AFG1L: variants seen among roughly 807,000 people sequenced by gnomAD.
The protein encoded by AFG1L is AFG1-like ATPase.
Under a neutral mutation model 62.2 loss-of-function variants are expected in AFG1L, and 53 were observed. That is an observed-to-expected ratio of 0.85 (90% CI 0.68 to 1.07). The LOEUF (loss-of-function observed/expected upper bound fraction) is 1.07. Ranked by LOEUF, AFG1L falls within the 50% of genes least tolerant of loss-of-function variation. The pLI is 0.00. For synonymous variants in AFG1L, 228 were observed against 210.3 expected, an observed-to-expected ratio of 1.08 and a Z score of -0.73; for missense variants, 555 against 590.5, an observed-to-expected ratio of 0.94 and a Z score of 0.62.
intron 8 of AFG1L, among the ~76,000 whole-genome samples, chr6:108,465,380 A>T (rs181031320): frequency 9.2e-5 from 14 of 152,314 alleles, no homozygotes; most frequent in Admixed American, 5.2e-4. Flanking sequence ...TTATGTTTAC[A>T]GTTTGAGTTT....
chr6:108,328,809 A>G (rs942669723), intron 2 of AFG1L, among the ~76,000 whole-genome samples: 1 of 152,164 alleles, frequency 6.6e-6, no homozygotes, highest in Non-Finnish European at 1.5e-5. Context: ...GGTTTTTAAA[A>G]AAATCTTTGG....
chr6:108,424,642 A>G (rs1238565906), intron 7 of AFG1L, among the ~76,000 whole-genome samples: 1 of 152,080 alleles, frequency 6.6e-6, no homozygotes, highest in African/African-American at 2.4e-5. Flanking sequence ...TGTAATATAT[A>G]TAATAGAGAA....
chr6:108,350,453 T>G (rs907633106), intron 3 of AFG1L, among the ~76,000 whole-genome samples: 6 of 152,188 alleles, frequency 3.9e-5, no homozygotes, highest in African/African-American at 1.4e-4. Flanking sequence ...ACTTCACCTC[T>G]TTCTTCGCAG....
intron 6 of AFG1L, among the ~76,000 whole-genome samples, chr6:108,390,779 G>A (rs535229470): frequency 2.0e-5 from 3 of 152,150 alleles, no homozygotes; most frequent in Admixed American, 6.5e-5. Flanking sequence ...GACCCTGCTG[G>A]GGGGTGCCTC....
At chr6:108,410,927 T>C (rs1782072177) in intron 7 of AFG1L, among the ~76,000 whole-genome samples, 1 of 152,078 alleles carries the variant, frequency 6.6e-6, no homozygotes, top group Non-Finnish European at 1.5e-5. Flanking sequence ...CACTGGGGCT[T>C]GTCAGACAGT....
chr6:108,330,330 C>A (rs1778226587), intron 2 of AFG1L, among the ~76,000 whole-genome samples: 1 of 151,934 alleles, frequency 6.6e-6, no homozygotes, highest in South Asian at 2.1e-4. Context: ...TGCATGCCAC[C>A]ACGCCCAGCT....
chr6:108,459,912 A>C (rs1772387615), intron 8 of AFG1L, among the ~76,000 whole-genome samples: 1 of 152,246 alleles, frequency 6.6e-6, no homozygotes, highest in Admixed American at 6.5e-5. Context: ...TAAATGACAT[A>C]AATCAATTGC....
At chr6:108,493,330 A>G (rs952043657) in intron 10 of AFG1L, among the ~76,000 whole-genome samples, 3 of 152,222 alleles carry the variant, frequency 2.0e-5, no homozygotes, top group African/African-American at 7.2e-5. Flanking sequence ...GAACATGGTG[A>G]GCCAAGGTGT....
chr6:108,447,264 G>C lies in AFG1L; in HGVS notation c.858G>C (p.Arg286Ser). Residue 286 changes from arginine to serine, a missense_variant, in exon 8 of 13, where the codon AGG (arginine) becomes AGC (serine). By Grantham distance (110) the Arg-to-Ser change is moderately radical. Transcript: ENST00000368977. ...QLDSGIDYRK[R>S]ELPAAGKLYY... ...ATTCTGGGATAGATTACCGGAAAAG[G>C]GAACTTCCTGCTGCAGGAAAACTCT... 6.2e-7 allele frequency: 1 copy of C among 1,608,266 alleles called. No individual in the cohort carries two copies. Among genetic ancestry groups the C allele is most frequent in the Non-Finnish European group, 8.5e-7 (1 of 1,175,046 alleles).
At chr6:108,388,246 G>A (rs1050591215) in intron 6 of AFG1L, among the ~76,000 whole-genome samples, 12 of 152,152 alleles carry the variant, frequency 7.9e-5, no homozygotes, top group Admixed American at 3.9e-4. Context: ...TTTTTATTGC[G>A]TCTATTTGAT....
intron 6 of AFG1L, among the ~76,000 whole-genome samples, chr6:108,368,885 G>A (rs574722525): frequency 1.3e-5 from 2 of 152,148 alleles, no homozygotes; most frequent in African/African-American, 2.4e-5. Flanking sequence ...CGGTGTGTCA[G>A]GGTAGCCTGC....
intron 7 of AFG1L, 93 bp downstream of exon 7, chr6:108,402,147 A>G: frequency 3.2e-6 from 2 of 619,176 alleles, no homozygotes; most frequent in Non-Finnish European, 2.7e-6. Context: ...GCATTCAAGC[A>G]GAATTTATTT....
At chr6:108,356,945 A>G in intron 5 of AFG1L, 125 bp downstream of exon 5, 1 of 837,344 alleles carries the variant, frequency 1.2e-6, no homozygotes, top group Non-Finnish European at 1.8e-6. Context: ...TACTGCTTCA[A>G]TTTTACTATC....
At chr6:108,309,866 C>G (rs1353254706) in intron 1 of AFG1L, among the ~76,000 whole-genome samples, 1 of 152,196 alleles carries the variant, frequency 6.6e-6, no homozygotes, top group Non-Finnish European at 1.5e-5. Context: ...ATGTCAACAT[C>G]TCTCAGGGGT....
chr6:108,334,161 C>T (rs554133297), intron 2 of AFG1L, among the ~76,000 whole-genome samples: 1 of 152,076 alleles, frequency 6.6e-6, no homozygotes. Flanking sequence ...CATGCGCCAC[C>T]ACGCCTGGCT....
chr6:108,355,736 C>T lies in AFG1L; in HGVS notation c.498C>T (p.Phe166=). ...KRKKRVHFHG[F]MLDVHKRIHR... is the part of the protein sequence containing the mutation. Reference sequence around the variant, plus strand: ...AAAAACGGGTTCATTTTCATGGTTTCATGCTAGATGTGCACAAAAGTAAGC... The same window carrying T: ...AAAAACGGGTTCATTTTCATGGTTTTATGCTAGATGTGCACAAAAGTAAGC... The change falls in exon 4 of 13, where the codon TTC becomes TTT. Residue 166 remains phenylalanine, a synonymous_variant. Transcript: ENST00000368977. 1.2e-6 allele frequency: 2 copies of T among 1,608,844 alleles called. No homozygotes were observed. Among genetic ancestry groups the T allele is most frequent in the Non-Finnish European group, 1.7e-6 (2 of 1,177,344 alleles).
At chr6:108,493,652 A>G (rs1013799865) in intron 10 of AFG1L, among the ~76,000 whole-genome samples, 2 of 152,234 alleles carry the variant, frequency 1.3e-5, no homozygotes, top group Non-Finnish European at 2.9e-5. Flanking sequence ...CCAGGTAATT[A>G]GCAAGGTATA....
rs557820524 is a variant in AFG1L, at chr6:108,478,369, G to A, written c.1062+1077G>A. Among the ~76,000 whole-genome samples the A allele has an allele frequency of 3.3e-5, 5 of 152,332 alleles. No individual in the cohort carries two copies. In the East Asian group the frequency reaches 5.8e-4, roughly 18 times the overall value. On this transcript the variant is annotated intron_variant, in intron 10 of 12. Transcript: ENST00000368977. The stretch of plus-strand genomic sequence containing the variant: ...GGAGAATGGCGTGAACCCGGGAGGC[G>A]GAGCCTGCATTGAGCCGAGGTCGCT...
chr6:108,448,183 G>C (rs150457572), intron 8 of AFG1L, among the ~76,000 whole-genome samples: 3 of 152,258 alleles, frequency 2.0e-5, no homozygotes, highest in Admixed American at 2.0e-4. Context: ...GACTATTTTA[G>C]TTTATTATTC....
Sources: gnomAD v4.1 joint callset for allele counts (sites outside exome capture counted in the v4.1 genomes callset) on GRCh38, gnomAD v4.1.1 for gene constraint, MANE v1.5 for transcripts, NCBI Gene and HGNC (gene_info 2026-07-23, HGNC 2026-07-21) for gene names.